Variants in COL7A1 observed in about 807,000 individuals in gnomAD.
COL7A1 encodes the protein collagen type VII alpha 1 chain.
In COL7A1, 296 loss-of-function variants were observed where a neutral mutation model predicts 456.2. That is an observed-to-expected ratio of 0.65 (90% confidence interval 0.59 to 0.71). The LOEUF is 0.71. Ranked by LOEUF, COL7A1 falls within the 30% of genes least tolerant of loss-of-function variation. The pLI is 0.00. For synonymous variants in COL7A1, 1,464 were observed against 1,525.9 expected (o/e 0.96, Z 0.95); for missense variants, 3,441 against 4,017.2 (o/e 0.86, Z 3.88).
Position 48,582,657 on chromosome 3 carries a change from G to A in COL7A1, c.4519-4C>T. The stretch of plus-strand genomic sequence containing the variant: ...GTCCAGCAACCCCTGGCAGCCCCTG[G>A]AGGAGAGGAAGGGAAGAGCTGTGCA... On this transcript the variant is annotated splice_region_variant and splice_polypyrimidine_tract_variant and intron_variant, in intron 44 of 118. Transcript: ENST00000681320. 1.2e-6 allele frequency: 2 copies of A among 1,613,372 alleles called. No individual in the cohort carries two copies. The highest frequency in any genetic ancestry group is 1.1e-5 in the South Asian group (1 of 91,076).
chr3:48,589,595 C>G lies in COL7A1; in HGVS notation c.2170+4G>C. On this transcript the variant is annotated splice_donor_region_variant and intron_variant, in intron 17 of 118. Transcript: ENST00000681320. ...CCTGCCCCCTCCCAAACCCCAGTCCCCACCGTGGGCTGAGTGCCAGGAAAC... is the reference window on the plus strand; with the variant it reads ...CCTGCCCCCTCCCAAACCCCAGTCCGCACCGTGGGCTGAGTGCCAGGAAAC... 1 of 1,613,690 alleles carries G rather than the reference C, an allele frequency of 6.2e-7. No homozygotes were observed. The highest frequency in any genetic ancestry group is 8.5e-7 in the Non-Finnish European group (1 of 1,179,994).
chr3:48,581,024 G>A lies in COL7A1; in HGVS notation c.4935+98C>T. On this transcript the variant is annotated intron_variant, in intron 53 of 118. Transcript: ENST00000681320. This position sits in a 1 kb window ranked among gnomAD's most constrained non-coding sequence, Gnocchi z 5.8. ...AAGGGTCTGAGCAGCAGCTGGACAGGAGGCAGGGAGTGGATGGATGAACTG... is the reference window on the plus strand; with the variant it reads ...AAGGGTCTGAGCAGCAGCTGGACAGAAGGCAGGGAGTGGATGGATGAACTG... The A allele has an allele frequency of 6.2e-7, 1 of 1,600,320 alleles. No homozygotes were observed. The highest frequency in any genetic ancestry group is 8.6e-7 in the Non-Finnish European group (1 of 1,168,490).
chr3:48,568,333 A>G lies in COL7A1; in HGVS notation c.7795-163T>C. 2 of 1,051,456 alleles carry G rather than the reference A, an allele frequency of 1.9e-6. No homozygotes were observed. Among genetic ancestry groups the G allele is most frequent in the African/African-American group, 1.6e-5 (1 of 63,548 alleles). 65.1% of individuals were successfully genotyped at this position (1,051,456 alleles called of 1,614,324 possible). A position where few individuals can be genotyped will look rare whatever the true frequency, so the allele number is the denominator to read the frequency against. ...ACAAGGGTCACCATAGGCAGGGGAC[A>G]CCATCATAGGCGGCTACTGTGGAGG... On this transcript the variant is annotated intron_variant, in intron 105 of 118. Coordinates refer to ENST00000681320, the MANE Select transcript of COL7A1 (RefSeq NM_000094.4). The surrounding 1 kb of genome is among the most constrained non-coding windows in gnomAD (Gnocchi z 5.2).
Position 48,574,387 on chromosome 3 carries a change from C to A in COL7A1, c.6457-81G>T, listed in dbSNP as rs2044145725. 5 of 1,612,792 alleles carry A rather than the reference C, an allele frequency of 3.1e-6. No homozygotes were observed. The highest frequency in any genetic ancestry group is 1.3e-5 in the African/African-American group (1 of 75,008). On this transcript the variant is annotated intron_variant, in intron 79 of 118. Transcript: ENST00000681320. This position sits in a 1 kb window ranked among gnomAD's most constrained non-coding sequence, Gnocchi z 5.0. ...ACCATCCCCCTAGACAGAGTCAGGACCCAGACAGTCCCAGGCAGTACAGAC... is the reference window on the plus strand; with the variant it reads ...ACCATCCCCCTAGACAGAGTCAGGAACCAGACAGTCCCAGGCAGTACAGAC...
rs764605074 is a variant in COL7A1, at chr3:48,586,408, TG to T, written c.3473del (p.Pro1158GlnfsTer3). The T allele has an allele frequency of 1.2e-6, 2 of 1,613,836 alleles. No homozygotes were observed. Among genetic ancestry groups the T allele is most frequent in the Non-Finnish European group, 1.7e-6 (2 of 1,180,014 alleles). ...PDAPGRRQHVPGVMVLLVDEP... is the reference protein window; with the variant it reads ...PDAPGRRQHVXGVMVLLVDEP... ...CATCCACTAGCAGAACCATCACCCC[TG>T]GTACGTGCTGGCGGCGCCCAGGAGC... On this transcript the variant is annotated frameshift_variant, in exon 27 of 119. Coordinates refer to ENST00000681320, the MANE Select transcript of COL7A1 (RefSeq NM_000094.4). LOFTEE classifies it high-confidence loss of function. This position sits in a 1 kb window ranked among gnomAD's most constrained non-coding sequence, Gnocchi z 5.1.
Position 48,587,762 on chromosome 3 carries a change from G to T in COL7A1, c.2857+31C>A. 1 of 1,613,420 alleles carries T rather than the reference G, an allele frequency of 6.2e-7. No homozygotes were observed. The highest frequency in any genetic ancestry group is 8.5e-7 in the Non-Finnish European group (1 of 1,179,978). On this transcript the variant is annotated intron_variant, in intron 22 of 118. Coordinates refer to ENST00000681320, the MANE Select transcript of COL7A1 (RefSeq NM_000094.4). This position sits in a 1 kb window ranked among gnomAD's most constrained non-coding sequence, Gnocchi z 6.1. The stretch of plus-strand genomic sequence containing the variant: ...GAAGTCAGGGTGGGTCATCAGCAGG[G>T]GAGGAGCACGCCAAGGTGAGGCAGG...
Position 48,578,513 on chromosome 3 carries a change from C to T in COL7A1, c.5427G>A (p.Gly1809=), listed in dbSNP as rs770678998. The change falls in exon 64 of 119, where the codon GGG becomes GGA. Residue 1809 remains glycine (G), a splice_region_variant and synonymous_variant. Transcript: ENST00000681320. This position sits in a 1 kb window ranked among gnomAD's most constrained non-coding sequence, Gnocchi z 4.7. The part of the protein sequence containing the change: ...AGKAGDPGRD[G]LPGLRGEQGL... ...CCTGTTCTCCACGGAGGCCTGGAAG[C>T]CCCTGGAAAAAGTCTTTGTTAAGAT... is the stretch of plus-strand genomic sequence containing the variant. 8.7e-6 allele frequency: 14 copies of T among 1,611,668 alleles called. No individual in the cohort carries two copies. The highest frequency in any genetic ancestry group is 1.1e-5 in the Non-Finnish European group (13 of 1,179,894).
chr3:48,564,863 C>G lies in COL7A1; in HGVS notation c.8738G>C (p.Gly2913Ala). ...GGTCCCAAAACGGTTGGCATTCCCT[C>G]CACAGCCACCATAGACAAAAGGGTG... ...ACHPFVYGGC[G>A]GNANRFGTRE... The change falls in exon 118 of 119, where the codon GGA (glycine) becomes GCA (alanine). Residue 2913 changes from glycine (G) to alanine (A), a missense_variant. By Grantham distance (60) the Gly-to-Ala change is moderately conservative (BLOSUM62 0). This residue lies in a region of COL7A1 where 2,084 missense variants were observed against 2,501.3 expected (regional missense o/e 0.83). Transcript: ENST00000681320. The surrounding 1 kb of genome is among the most constrained non-coding windows in gnomAD (Gnocchi z 6.0). 6.2e-7 allele frequency: 1 copy of G among 1,614,188 alleles called. No homozygotes were observed. The highest frequency in any genetic ancestry group is 8.5e-7 in the Non-Finnish European group (1 of 1,180,024).
rs2043722339 is a variant in COL7A1 at position 48,568,585 on chromosome 3, T to C, written c.7759-51A>G. 2 of 1,578,928 alleles carry C rather than the reference T, an allele frequency of 1.3e-6. No individual in the cohort carries two copies. The highest frequency in any genetic ancestry group is 1.7e-6 in the Non-Finnish European group (2 of 1,157,402). ...CCTTCAGTGGGACTGTCCCCAACAC[T>C]GGCCCATCCGCTGCATGTGTGGCCA... On this transcript the variant is annotated intron_variant, in intron 104 of 118. Transcript: ENST00000681320. This position sits in a 1 kb window ranked among gnomAD's most constrained non-coding sequence, Gnocchi z 5.2.
rs1262644537 is a variant in COL7A1 at position 48,572,807 on chromosome 3, T to G, written c.6831+55A>C. On this transcript the variant is annotated intron_variant, in intron 87 of 118. Coordinates refer to ENST00000681320, the MANE Select transcript of COL7A1 (RefSeq NM_000094.4). This position sits in a 1 kb window ranked among gnomAD's most constrained non-coding sequence, Gnocchi z 4.6. ...CACCCCTGCTGCCCCACTCCTCATA[T>G]TTCAGGCCCACAGCTGGGCACCACA... 6.2e-7 allele frequency: 1 copy of G among 1,613,288 alleles called. No individual in the cohort carries two copies. Among genetic ancestry groups the G allele is most frequent in the Non-Finnish European group, 8.5e-7 (1 of 1,179,582 alleles).
At position 48,579,420 on chromosome 3, in the gene COL7A1, T is replaced by C. The variant is rs767334344; in HGVS notation, c.5272-16A>G. 17 of 1,613,934 alleles carry C rather than the reference T, an allele frequency of 1.1e-5. No homozygotes were observed. The highest frequency in any genetic ancestry group is 1.4e-5 in the Non-Finnish European group (16 of 1,179,992). On this transcript the variant is annotated splice_polypyrimidine_tract_variant and intron_variant, in intron 60 of 118. Transcript: ENST00000681320. This position sits in a 1 kb window ranked among gnomAD's most constrained non-coding sequence, Gnocchi z 4.4. ...CTGGGTCCCCCTGGAGGGAACAGGG[T>C]CAGATAAGAGGTGAGGGTAAGATGG... is the stretch of plus-strand genomic sequence containing the variant.
Position 48,572,279 on chromosome 3 carries a change from A to G in COL7A1, c.6978+101T>C. On this transcript the variant is annotated intron_variant, in intron 90 of 118. Coordinates refer to ENST00000681320, the MANE Select transcript of COL7A1 (RefSeq NM_000094.4). The surrounding 1 kb of genome is among the most constrained non-coding windows in gnomAD (Gnocchi z 4.6). ...AATATGCGGTCTACTATGAAAGCTGAGGGTCATGAGGGTGGGTAAACTATG... is the reference window on the plus strand; with the variant it reads ...AATATGCGGTCTACTATGAAAGCTGGGGGTCATGAGGGTGGGTAAACTATG... 6.2e-7 allele frequency: 1 copy of G among 1,610,526 alleles called. No homozygotes were observed. Among genetic ancestry groups the G allele is most frequent in the South Asian group, 1.1e-5 (1 of 91,010 alleles).
In COL7A1 at chr3:48,594,380, C is replaced by A. The variant is rs1483968999; in HGVS notation, c.254G>T (p.Ser85Ile). 2.5e-6 allele frequency: 4 copies of A among 1,610,762 alleles called. No individual in the cohort carries two copies. Among genetic ancestry groups the A allele is most frequent in the Non-Finnish European group, 3.4e-6 (4 of 1,180,020 alleles). The change falls in exon 3 of 119, where the codon AGC becomes ATC. Residue 85 changes from serine to isoleucine, a missense_variant. Ser to Ile is a moderately radical substitution (Grantham distance 142). Coordinates refer to ENST00000681320, the MANE Select transcript of COL7A1 (RefSeq NM_000094.4). This position sits in a 1 kb window ranked among gnomAD's most constrained non-coding sequence, Gnocchi z 5.5. The stretch of plus-strand genomic sequence containing the variant: ...GGCCCCTACTCACCGTGGGTCATCG[C>A]TGTACTGCACTGTGGCAAAGCGCAC... ...QGVRFATVQY[S>I]DDPRTEFGLD...
At position 48,575,526 on chromosome 3, in the gene COL7A1, A is replaced by G; in HGVS notation, c.5993T>C (p.Phe1998Ser). The change falls in exon 74 of 119, where the codon TTT becomes TCT. Residue 1998 changes from phenylalanine (F) to serine (S), a missense_variant. Around this residue, in one of 3 missense-constraint regions of COL7A1, gnomAD observed 2,084 missense variants for 2,501.3 expected, o/e 0.83. Coordinates refer to ENST00000681320, the MANE Select transcript of COL7A1 (RefSeq NM_000094.4). This position sits in a 1 kb window ranked among gnomAD's most constrained non-coding sequence, Gnocchi z 6.3. ...GPPGKEGPIG[F>S]PGERGLKGDR... ...GCCCTTCAGCCCGCGTTCTCCAGGA[A>G]AGCCGATGGGGCCCTGCAGGAGTGG... 1 of 1,612,772 alleles carries G rather than the reference A, an allele frequency of 6.2e-7. No individual in the cohort carries two copies. The highest frequency in any genetic ancestry group is 8.5e-7 in the Non-Finnish European group (1 of 1,179,948).
chr3:48,587,294 G>A lies in COL7A1; in HGVS notation c.3035C>T (p.Ser1012Phe), dbSNP rs893823048. 2.5e-6 allele frequency: 4 copies of A among 1,606,140 alleles called. No individual in the cohort carries two copies. The highest frequency in any genetic ancestry group is 3.4e-6 in the Non-Finnish European group (4 of 1,176,212). ...SPQTLPGISS[S>F]QRVTGLEPGV... ...AGGCTCTAGCCCTGTCACCCGCTGG[G>A]AGCTTGAGATCCCTGGAAGTGTCTG... Residue 1012 changes from serine to phenylalanine, a missense_variant, in exon 24 of 119, where the codon TCC (serine) becomes TTC (phenylalanine). By Grantham distance (155) the Ser-to-Phe change is radical (BLOSUM62 -2). Coordinates refer to ENST00000681320, the MANE Select transcript of COL7A1 (RefSeq NM_000094.4). This position sits in a 1 kb window ranked among gnomAD's most constrained non-coding sequence, Gnocchi z 6.1.
Position 48,585,913 on chromosome 3 carries a change from G to C in COL7A1, c.3759+27C>G, listed in dbSNP as rs2045217637. On this transcript the variant is annotated intron_variant, in intron 29 of 118. Coordinates refer to ENST00000681320, the MANE Select transcript of COL7A1 (RefSeq NM_000094.4). This position sits in a 1 kb window ranked among gnomAD's most constrained non-coding sequence, Gnocchi z 4.5. ...GTGGCTAGCCCCAGGTGCAGCCTCT[G>C]TTCACCTCTCGATGAGGGACTCTTA... The C allele has an allele frequency of 1.2e-6, 2 of 1,613,958 alleles. No individual in the cohort carries two copies. The highest frequency in any genetic ancestry group is 2.7e-5 in the African/African-American group (2 of 74,914).
In COL7A1 at chr3:48,573,972, G is replaced by C; in HGVS notation, c.6502-82C>G. 1 of 1,551,098 alleles carries C rather than the reference G, an allele frequency of 6.4e-7. No individual in the cohort carries two copies. Among genetic ancestry groups the C allele is most frequent in the South Asian group, 1.2e-5 (1 of 86,912 alleles). ...AACCTCTGGGGGCTTTTTCCTTGGG[G>C]GTCAATTTCCATACCTCACCCTTTC... is the stretch of plus-strand genomic sequence containing the variant. On this transcript the variant is annotated intron_variant, in intron 80 of 118. Coordinates refer to ENST00000681320, the MANE Select transcript of COL7A1 (RefSeq NM_000094.4). This position sits in a 1 kb window ranked among gnomAD's most constrained non-coding sequence, Gnocchi z 5.5.
In COL7A1 at chr3:48,570,921, C is replaced by T. The variant is rs147925598; in HGVS notation, c.7212G>A (p.Gly2404=). 5.3e-5 allele frequency: 85 copies of T among 1,613,820 alleles called. No individual in the cohort carries two copies. The African/African-American group carries it at 9.9e-4, about 19-fold the overall frequency. Residue 2404 remains glycine, a synonymous_variant, in exon 95 of 119, where the codon GGG becomes GGA. Transcript: ENST00000681320. The surrounding 1 kb of genome is among the most constrained non-coding windows in gnomAD (Gnocchi z 5.5). ...PGLPGAPGVV[G]FPGQTGPRGE... Reference sequence around the variant, plus strand: ...CTCGAGGGCCTGTCTGACCCGGGAACCCAACAACACCAGGAGCACCGGGCA... The same window carrying T: ...CTCGAGGGCCTGTCTGACCCGGGAATCCAACAACACCAGGAGCACCGGGCA...
intron 44 of COL7A1, 144 bp from the exon 45 acceptor site, chr3:48,582,797 C>A: frequency 8.8e-7 from 1 of 1,140,418 alleles, no homozygotes; most frequent in South Asian, 1.3e-5. Context: ...GGCAGGAGAA[C>A]AGAGACCAGG....
Sources: allele counts gnomAD v4.1 joint callset, GRCh38; gene constraint gnomAD v4.1.1; regional missense constraint gnomAD v4.1.1; non-coding constraint Gnocchi (gnomAD v3.1); transcripts MANE v1.5; gene names NCBI Gene and HGNC (gene_info 2026-07-23, HGNC 2026-07-21).